Variants in RNF150 observed in about 807,000 individuals in gnomAD.
RNF150 encodes ring finger protein 150.
RNF150 carries 24 observed loss-of-function variants against 39.3 expected under a neutral mutation model. The observed-to-expected ratio is 0.61, with a 90% CI of 0.44 to 0.86. The LOEUF is 0.86. Among genes scored for constraint, RNF150 ranks in the 40% least tolerant of loss-of-function variants. The pLI, the probability that RNF150 is intolerant of heterozygous loss-of-function variation, is 0.00. For missense variants in RNF150, 502 were observed against 587.8 expected, an observed-to-expected ratio of 0.85 and a Z score of 1.51; for synonymous variants, 255 against 227.3, an observed-to-expected ratio of 1.12 and a Z score of -1.10.
At chr4:141,133,786 G>C (rs544120486), upstream of RNF150, among the ~76,000 whole-genome samples, 1 of 152,250 alleles carries the variant, frequency 6.6e-6, no homozygotes, top group African/African-American at 2.4e-5. Context: ...CTGTCCTAAG[G>C]CCAAAGTGTA....
At chr4:141,181,543 C>T (rs565535446) in intron 1 of RNF150, among the ~76,000 whole-genome samples, 15 of 152,244 alleles carry the variant, frequency 9.9e-5, no homozygotes, top group African/African-American at 3.6e-4. Flanking sequence ...TTTTTGTTTG[C>T]TTCTTTGATT....
intron 1 of RNF150, chr4:141,053,614 C>A (rs1736859824): frequency 1.2e-6 from 1 of 814,476 alleles, no homozygotes; most frequent in South Asian, 3.7e-5. Flanking sequence ...AGGAAGATAT[C>A]ATGGAAGTCA....
intron 2 of RNF150, among the ~76,000 whole-genome samples, chr4:140,953,376 T>C (rs562972196): frequency 2.0e-5 from 3 of 152,300 alleles, no homozygotes; most frequent in South Asian, 4.1e-4. Flanking sequence ...TTCTCCTCTT[T>C]TGAGGAAAAA....
At chr4:141,089,567 T>C (rs927058562) in intron 1 of RNF150, among the ~76,000 whole-genome samples, 1 of 152,188 alleles carries the variant, frequency 6.6e-6, no homozygotes, top group Non-Finnish European at 1.5e-5. Flanking sequence ...CTACTAATTT[T>C]CTAATAACTC....
At chr4:141,042,820 T>C in intron 1 of RNF150, among the ~76,000 whole-genome samples, 1 of 152,082 alleles carries the variant, frequency 6.6e-6, no homozygotes. Flanking sequence ...TCTGTCTTTT[T>C]GTCTTTACCT....
chr4:140,905,626 G>A (rs1030356), intron 6 of RNF150, among the ~76,000 whole-genome samples: 22,583 of 152,182 alleles, frequency 0.15, 2,012 homozygotes, highest in Middle Eastern at 0.28. Context: ...CTCCTCTAGT[G>A]AAAGGGGTGG....
chr4:141,076,105 G>C (rs977380139), intron 1 of RNF150, among the ~76,000 whole-genome samples: 1 of 151,676 alleles, frequency 6.6e-6, no homozygotes, highest in Non-Finnish European at 1.5e-5. Flanking sequence ...CTGCAAACAG[G>C]AACAACTCTA....
rs546426254 is a variant in RNF150, at chr4:140,975,101, C to T, written c.485-7228G>A. Reference sequence around the variant, plus strand: ...CGAAACCCTGCCTCTACAAAAAATACGAAAATTAGCTGGGTGTGGTGGCAT... The same window carrying T: ...CGAAACCCTGCCTCTACAAAAAATATGAAAATTAGCTGGGTGTGGTGGCAT... On this transcript the variant is annotated intron_variant, in intron 1 of 6. Transcript: ENST00000515673. 9.9e-5 allele frequency among the ~76,000 whole-genome samples: 15 copies of T among 152,028 alleles called. No individual in the cohort carries two copies. The South Asian group carries it at 1.7e-3, about 17-fold the overall frequency.
chr4:140,894,396 C>T lies in RNF150; in HGVS notation c.1198+16748G>A, dbSNP rs79730856. ...AGTTATTGTTAATATATTCTGTGAC[C>T]TTTCCACAACAGAAAGTCATTTTAA... is the stretch of plus-strand genomic sequence containing the variant. On this transcript the variant is annotated intron_variant, in intron 6 of 6. Transcript: ENST00000515673. 2.6e-4 allele frequency among the ~76,000 whole-genome samples: 40 copies of T among 152,192 alleles called. 1 individual carries two copies. The East Asian group carries it at 7.5e-3, about 29-fold the overall frequency.
At chr4:141,010,481 A>C (rs1735034825) in intron 1 of RNF150, among the ~76,000 whole-genome samples, 3 of 152,206 alleles carry the variant, frequency 2.0e-5, no homozygotes, top group Admixed American at 2.0e-4. Context: ...GCAACAGTAC[A>C]AATGGGGGCC....
intron 1 of RNF150, among the ~76,000 whole-genome samples, chr4:141,072,199 T>G (rs1737732253): frequency 6.6e-6 from 1 of 152,150 alleles, no homozygotes; most frequent in African/African-American, 2.4e-5. Context: ...CAAGAACTAT[T>G]GCAACAGGTT....
chr4:141,210,126 G>GT (rs1295227408), intron 1 of RNF150, among the ~76,000 whole-genome samples: 19 of 152,098 alleles, frequency 1.2e-4, no homozygotes, highest in Admixed American at 1.3e-4. Context: ...ACATTTGTAG[G>GT]TTTTTTGTTT....
At chr4:141,040,484 C>A (rs1736315799) in intron 1 of RNF150, among the ~76,000 whole-genome samples, 1 of 152,118 alleles carries the variant, frequency 6.6e-6, no homozygotes, top group Non-Finnish European at 1.5e-5. Context: ...ATACTTCTAA[C>A]ATTCTCTTTT....
At chr4:140,873,169 A>G (rs1729013021) in intron 6 of RNF150, among the ~76,000 whole-genome samples, 1 of 152,202 alleles carries the variant, frequency 6.6e-6, no homozygotes, top group Non-Finnish European at 1.5e-5. Flanking sequence ...ATACAAATTT[A>G]TATTTGAAAT....
chr4:141,196,286 T>C (rs191764183), intron 1 of RNF150, among the ~76,000 whole-genome samples: 105 of 152,348 alleles, frequency 6.9e-4, no homozygotes, highest in African/African-American at 2.5e-3. Flanking sequence ...GGAGACTTGA[T>C]GAAACTGTTG....
At chr4:141,088,312 A>G (rs1380693097) in intron 1 of RNF150, among the ~76,000 whole-genome samples, 1 of 152,134 alleles carries the variant, frequency 6.6e-6, no homozygotes, top group Non-Finnish European at 1.5e-5. Flanking sequence ...TTCTTACTCC[A>G]TGAAAGGAAA....
intron 1 of RNF150, among the ~76,000 whole-genome samples, chr4:141,142,542 ACT>A (rs916169022): frequency 2.0e-5 from 3 of 152,032 alleles, no homozygotes; most frequent in African/African-American, 7.3e-5. Flanking sequence ...CGTAGTTGTC[ACT>A]CTCTTCCGTC....
At chr4:141,057,560 C>T (rs10016849) in intron 1 of RNF150, among the ~76,000 whole-genome samples, 31,449 of 151,896 alleles carry the variant, frequency 0.21, 3,370 homozygotes, top group Middle Eastern at 0.27. Flanking sequence ...CCTTCCCCTC[C>T]GAGTCCCCAA....
At chr4:141,079,351 C>T (rs1578704864) in intron 1 of RNF150, among the ~76,000 whole-genome samples, 1 of 152,226 alleles carries the variant, frequency 6.6e-6, no homozygotes, top group East Asian at 1.9e-4. Context: ...GAAGGCTAAA[C>T]ACTGCTTTTT....
Sources: allele counts gnomAD v4.1 joint callset (sites outside exome capture counted in the v4.1 genomes callset), GRCh38; gene constraint gnomAD v4.1.1; transcripts MANE v1.5; gene names NCBI Gene and HGNC (gene_info 2026-07-23, HGNC 2026-07-21).